TRIM67: variants seen among roughly 807,000 people sequenced by gnomAD.
TRIM67 encodes the protein tripartite motif containing 67.
In TRIM67, 39 loss-of-function variants were observed where a neutral mutation model predicts 71.0. The observed-to-expected ratio is 0.55, with a 90% confidence interval of 0.43 to 0.72. The LOEUF (loss-of-function observed/expected upper bound fraction) is 0.72. Ranked by LOEUF, TRIM67 falls within the 30% of genes least tolerant of loss-of-function variation. The pLI is 0.00. For synonymous variants in TRIM67, 481 were observed against 473.9 expected (o/e 1.01, Z -0.19); for missense variants, 973 against 1,079.2 (o/e 0.90, Z 1.38).
At chr1:231,169,243 C>T (rs1682558492) in intron 1 of TRIM67, among the ~76,000 whole-genome samples, 1 of 151,342 alleles carries the variant, frequency 6.6e-6, no homozygotes, top group Admixed American at 6.6e-5. Flanking sequence ...TTAGTAGAGA[C>T]AGGGTTTTGC....
intron 8 of TRIM67, among the ~76,000 whole-genome samples, chr1:231,212,704 A>T (rs1233936167): frequency 6.6e-6 from 1 of 152,146 alleles, no homozygotes; most frequent in African/African-American, 2.4e-5. Flanking sequence ...CACAGGGAGA[A>T]ACAGCCACTC....
At chr1:231,175,423 C>T (rs978165421) in intron 1 of TRIM67, among the ~76,000 whole-genome samples, 3 of 152,200 alleles carry the variant, frequency 2.0e-5, no homozygotes, top group Non-Finnish European at 2.9e-5. Flanking sequence ...GCCAGAGTTT[C>T]GTGGGTGCAG....
chr1:231,213,032 G>T (rs1369508897), intron 8 of TRIM67, among the ~76,000 whole-genome samples: 1 of 152,116 alleles, frequency 6.6e-6, no homozygotes, highest in Admixed American at 6.6e-5. Context: ...GGATGTTTCT[G>T]GGAAGATGAG....
In TRIM67 at chr1:231,213,988, C is replaced by T. The variant is rs1683941179; in HGVS notation, c.2286+11C>T. 4 of 1,601,348 alleles carry T rather than the reference C, an allele frequency of 2.5e-6. No homozygotes were observed. In the Middle Eastern group the frequency reaches 5.0e-4, roughly 201 times the overall value. On this transcript the variant is annotated intron_variant, in intron 9 of 9. Coordinates refer to ENST00000366653, the MANE Select transcript of TRIM67 (RefSeq NM_001004342.5). The stretch of plus-strand genomic sequence containing the variant: ...AACCGCAACGTGCAGGTACACACCT[C>T]CCCAGGGCCGGACCTGGTCTGGCTG...
At position 231,219,199 on chromosome 1, in the gene TRIM67, A is replaced by C. The variant is rs1346278339; in HGVS notation, c.*3759A>C. The stretch of plus-strand genomic sequence containing the variant: ...CGCCAGGGTTTCTCAACCTCTACTG[A>C]CATTTTGCGATAGGTTCTGTATGCC... On this transcript the variant is annotated 3_prime_UTR_variant, in exon 10 of 10. Transcript: ENST00000366653. 1 of 985,418 alleles carries C rather than the reference A, an allele frequency of 1.0e-6. No individual in the cohort carries two copies. Among genetic ancestry groups the C allele is most frequent in the African/African-American group, 1.7e-5 (1 of 57,282 alleles). 61.0% of individuals were successfully genotyped at this position (985,418 alleles called of 1,614,324 possible).
In TRIM67 at chr1:231,209,794, G is replaced by T. The variant is rs528333492; in HGVS notation, c.2123+544G>T. Among the ~76,000 whole-genome samples the T allele has an allele frequency of 3.9e-5, 6 of 152,288 alleles. No homozygotes were observed. In the East Asian group the frequency reaches 1.2e-3, roughly 29 times the overall value. On this transcript the variant is annotated intron_variant, in intron 8 of 9. Transcript: ENST00000366653. This position sits in a 1 kb window ranked among gnomAD's most constrained non-coding sequence, Gnocchi z 4.1. ...CTCACTACTAACGAGCCTGCCAAGG[G>T]TGCCCACAGCTGTGGCTTTGCCCTG...
At chr1:231,187,845 C>G (rs1460645315) in intron 1 of TRIM67, among the ~76,000 whole-genome samples, 2 of 152,166 alleles carry the variant, frequency 1.3e-5, no homozygotes, top group Non-Finnish European at 2.9e-5. Context: ...CTTGGTTAGG[C>G]TGTGGGAACA....
At chr1:231,203,341 C>G (rs1403658859) in intron 5 of TRIM67, among the ~76,000 whole-genome samples, 1 of 152,224 alleles carries the variant, frequency 6.6e-6, no homozygotes, top group Non-Finnish European at 1.5e-5. Context: ...ATCTTGTTCA[C>G]TGACCTTGTA....
rs1009336255 is a variant in TRIM67, at chr1:231,162,880, G to C, written c.-90G>C. On this transcript the variant is annotated 5_prime_UTR_variant, in exon 1 of 10. Coordinates refer to ENST00000366653, the MANE Select transcript of TRIM67 (RefSeq NM_001004342.5). ...TGATGCCCCCGCCCGTCGTCTCACC[G>C]GGGCGCACCGCGCTGGTCCTCCTCC... 3.0e-5 allele frequency: 45 copies of C among 1,511,548 alleles called. No individual in the cohort carries two copies. In the South Asian group the frequency reaches 3.8e-4, roughly 13 times the overall value. 93.6% of individuals were successfully genotyped at this position (1,511,548 alleles called of 1,614,324 possible). A position where few individuals can be genotyped will look rare whatever the true frequency, so the allele number is the denominator to read the frequency against.
intron 1 of TRIM67, among the ~76,000 whole-genome samples, chr1:231,188,307 G>A (rs920187458): frequency 2.0e-5 from 3 of 152,162 alleles, no homozygotes; most frequent in Non-Finnish European, 4.4e-5. Flanking sequence ...ATCAACATTC[G>A]CAAAGTGGCT....
rs752328524 is a variant in TRIM67 at position 231,213,838 on chromosome 1, G to A, written c.2147G>A (p.Gly716Glu). The A allele has an allele frequency of 6.2e-7, 1 of 1,607,206 alleles. No homozygotes were observed. Among genetic ancestry groups the A allele is most frequent in the South Asian group, 1.1e-5 (1 of 90,062 alleles). The part of the protein sequence containing the change: ...TNRTEGGVCK[G>E]ATVGVLLDLN... Reference sequence around the variant, plus strand: ...AGGACGGAAGGTGGCGTGTGCAAGGGGGCCACCGTGGGCGTGCTGCTGGAC... The same window carrying A: ...AGGACGGAAGGTGGCGTGTGCAAGGAGGCCACCGTGGGCGTGCTGCTGGAC... The change falls in exon 9 of 10, where the codon GGG becomes GAG. Residue 716 changes from glycine to glutamate, a missense_variant. Physicochemically the swap from Gly to Glu is moderately conservative, Grantham distance 98. Transcript: ENST00000366653.
intron 1 of TRIM67, among the ~76,000 whole-genome samples, chr1:231,192,518 CA>C (rs1683258202): frequency 6.6e-6 from 1 of 152,178 alleles, no homozygotes; most frequent in African/African-American, 2.4e-5. Flanking sequence ...TCTTTCACTC[CA>C]AAAACCTTTG....
chr1:231,167,423 C>A (rs1009607399), intron 1 of TRIM67, among the ~76,000 whole-genome samples: 4 of 100,406 alleles, frequency 4.0e-5, no homozygotes, highest in Non-Finnish European at 7.1e-5. Flanking sequence ...CCCGGGTTCA[C>A]GCCATTCTCC....
chr1:231,202,570 A>G (rs574397139), intron 5 of TRIM67, among the ~76,000 whole-genome samples: 8 of 152,270 alleles, frequency 5.3e-5, no homozygotes, highest in African/African-American at 1.9e-4. Flanking sequence ...CTGCCCCTCC[A>G]CAGATGTCAA....
chr1:231,166,244 G>A (rs1035385225), intron 1 of TRIM67, among the ~76,000 whole-genome samples: 4 of 152,212 alleles, frequency 2.6e-5, no homozygotes, highest in East Asian at 1.9e-4. Flanking sequence ...TTTTGTGAAC[G>A]CCTGTTTTCA....
At chr1:231,200,480 A>C (rs917647449) in intron 4 of TRIM67, among the ~76,000 whole-genome samples, 2 of 152,216 alleles carry the variant, frequency 1.3e-5, no homozygotes, top group African/African-American at 4.8e-5. Context: ...AAATGACATC[A>C]TCTCTAGGCC....
chr1:231,197,115 C>T lies in TRIM67; in HGVS notation c.1045-256C>T, dbSNP rs548414674. 1.7e-3 allele frequency among the ~76,000 whole-genome samples: 254 copies of T among 152,310 alleles called. 2 individuals are homozygous for T. Among genetic ancestry groups the T allele is most frequent in the African/African-American group, 5.7e-3 (238 of 41,582 alleles). ...AGGGGCAGACCTGTTTGCTTCAACC[C>T]GTTAGCTGAGTGCTCCTTACCTCTA... On this transcript the variant is annotated intron_variant, in intron 1 of 9. Coordinates refer to ENST00000366653, the MANE Select transcript of TRIM67 (RefSeq NM_001004342.5).
At position 231,219,670 on chromosome 1, in the gene TRIM67, C is replaced by T; in HGVS notation, c.*4230C>T. Reference sequence around the variant, plus strand: ...CACATTTTACTGGAAGCAACAGGAACTTCTTAATGGGTTTGTGGCCCTCAA... The same window carrying T: ...CACATTTTACTGGAAGCAACAGGAATTTCTTAATGGGTTTGTGGCCCTCAA... On this transcript the variant is annotated 3_prime_UTR_variant, in exon 10 of 10. Coordinates refer to ENST00000366653, the MANE Select transcript of TRIM67 (RefSeq NM_001004342.5). 1.7e-6 allele frequency: 2 copies of T among 1,163,442 alleles called. No individual in the cohort carries two copies. The highest frequency in any genetic ancestry group is 6.3e-5 in the East Asian group (1 of 15,918). The allele number at this position is 1,163,442 out of a possible 1,614,324, so 72.1% of individuals were successfully genotyped here.
At chr1:231,165,873 TGA>T (rs1162785195) in intron 1 of TRIM67, among the ~76,000 whole-genome samples, 1 of 152,232 alleles carries the variant, frequency 6.6e-6, no homozygotes, top group Admixed American at 6.5e-5. Flanking sequence ...AAACTAATTC[TGA>T]GTGTTGCCAC....
Sources: gnomAD v4.1 joint callset for allele counts (sites outside exome capture counted in the v4.1 genomes callset) on GRCh38, gnomAD v4.1.1 for gene constraint, Gnocchi (gnomAD v3.1) non-coding constraint, MANE v1.5 for transcripts, NCBI Gene and HGNC (gene_info 2026-07-23, HGNC 2026-07-21) for gene names.